The following ESCO1 variants were observed in gnomAD, a reference collection of about 807,000 sequenced individuals.
ESCO1 encodes establishment of sister chromatid cohesion N-acetyltransferase 1, also known as N-acetyltransferase ESCO1.
In ESCO1, 33 loss-of-function variants were observed where a neutral mutation model predicts 83.5. The ratio of observed to expected loss-of-function variants is 0.40; its 90% confidence interval spans 0.30 to 0.53. ESCO1 has a LOEUF of 0.53. Among genes scored for constraint, ESCO1 ranks in the 20% least tolerant of loss-of-function variants. The probability of loss-of-function intolerance (pLI) is 0.63; values close to 1 mark genes in which losing one functional copy is unlikely to be tolerated. For missense variants in ESCO1, 855 were observed against 968.0 expected, an observed-to-expected ratio of 0.88 and a Z score of 1.55; for synonymous variants, 332 against 324.3, an observed-to-expected ratio of 1.02 and a Z score of -0.25.
At chr18:21,572,137 G>A (rs965210131) in intron 4 of ESCO1, among the ~76,000 whole-genome samples, 2 of 152,300 alleles carry the variant, frequency 1.3e-5, no homozygotes, top group East Asian at 1.9e-4. Context: ...TTCAGAGTAT[G>A]TTGTTTTAGA....
At chr18:21,575,803 T>C (rs1598472065) in intron 2 of ESCO1, 26 bp from the exon 3 acceptor site, 3 of 397,764 alleles carry the variant, frequency 7.5e-6, no homozygotes, top group Non-Finnish European at 1.3e-5. Context: ...TTTTTTTTAA[T>C]GTTCAAAAGG....
At chr18:21,585,611 C>CAAAA in intron 1 of ESCO1, among the ~76,000 whole-genome samples, 1 of 151,976 alleles carries the variant, frequency 6.6e-6, no homozygotes, top group South Asian at 2.1e-4. Flanking sequence ...AGTGTGAGCC[C>CAAAA]AAAACTTTGC....
chr18:21,593,597 T>TAGGGAGAGGGAGAGGGAGACGGAG (rs2038715872), intron 1 of ESCO1: 3 of 44,128 alleles, frequency 6.8e-5, no homozygotes, highest in African/African-American at 1.8e-4. Flanking sequence ...AGGGAGACCG[T>TAGGGAGAGGGAGAGGGAGACGGAG]AGGGAGAGGG....
intron 2 of ESCO1, among the ~76,000 whole-genome samples, chr18:21,577,645 G>A (rs1175337908): frequency 6.9e-6 from 1 of 145,822 alleles, no homozygotes; most frequent in Non-Finnish European, 1.5e-5. Context: ...GGCCGACAGA[G>A]CGAGACTCCG....
At chr18:21,579,518 T>A (rs2038463983) in intron 2 of ESCO1, among the ~76,000 whole-genome samples, 1 of 151,244 alleles carries the variant, frequency 6.6e-6, no homozygotes, top group Non-Finnish European at 1.5e-5. Context: ...ACGCCTGTAA[T>A]CCCAGCACTT....
At chr18:21,591,798 T>C (rs1175584038) in intron 1 of ESCO1, among the ~76,000 whole-genome samples, 1 of 152,046 alleles carries the variant, frequency 6.6e-6, no homozygotes, top group Non-Finnish European at 1.5e-5. Context: ...CTGGTTTTCC[T>C]AGGCAGAGGG....
At position 21,574,455 on chromosome 18, in the gene ESCO1, T is replaced by C. The variant is rs748509420; in HGVS notation, c.389A>G (p.Glu130Gly). 6.2e-7 allele frequency: 1 copy of C among 1,614,172 alleles called. No individual in the cohort carries two copies. Among genetic ancestry groups the C allele is most frequent in the Admixed American group, 1.7e-5 (1 of 60,020 alleles). ...RRSQRLQQLT[E>G]VSRRSLRSRE... ...ACTGCGTAACGACCTTCTTGAAACC[T>C]CTGTTAATTGTTGTAGCCTTTGTGA... Residue 130 changes from glutamate to glycine, a missense_variant, in exon 4 of 12, where the codon GAG (glutamate) becomes GGG (glycine). Glu to Gly is a moderately conservative substitution (Grantham distance 98). Transcript: ENST00000269214.
intron 2 of ESCO1, among the ~76,000 whole-genome samples, chr18:21,577,076 C>T (rs986742305): frequency 2.0e-5 from 3 of 151,518 alleles, no homozygotes; most frequent in Non-Finnish European, 2.9e-5. Flanking sequence ...CAGATAGGGC[C>T]GGGCACAATG....
chr18:21,550,837 G>A (rs1392640462), intron 8 of ESCO1, among the ~76,000 whole-genome samples: 1 of 152,228 alleles, frequency 6.6e-6, no homozygotes, highest in Non-Finnish European at 1.5e-5. Context: ...TGTTGGCCGG[G>A]CGTGGTGGCT....
At chr18:21,543,824 T>C (rs972625189) in intron 8 of ESCO1, among the ~76,000 whole-genome samples, 1 of 152,080 alleles carries the variant, frequency 6.6e-6, no homozygotes, top group Non-Finnish European at 1.5e-5. Flanking sequence ...TAACAACCAA[T>C]GTAATATATA....
chr18:21,542,028 A>G (rs2037914312), intron 8 of ESCO1, among the ~76,000 whole-genome samples: 1 of 152,222 alleles, frequency 6.6e-6, no homozygotes, highest in Admixed American at 6.5e-5. Flanking sequence ...TTCATGCCGA[A>G]ATTTTTATCA....
At chr18:21,587,132 A>G (rs768873745) in intron 1 of ESCO1, among the ~76,000 whole-genome samples, 8 of 152,222 alleles carry the variant, frequency 5.3e-5, no homozygotes, top group Non-Finnish European at 7.3e-5. Flanking sequence ...TGCTGGACTC[A>G]GTCTGCAAAT....
intron 1 of ESCO1, among the ~76,000 whole-genome samples, chr18:21,596,427 G>GT (rs2038768216): frequency 6.6e-6 from 1 of 152,082 alleles, no homozygotes; most frequent in Admixed American, 6.6e-5. Flanking sequence ...TGCCATAAAT[G>GT]TTTAAAGTTC....
intron 1 of ESCO1, 55 bp from the exon 2 acceptor site, chr18:21,584,495 C>CTTA (rs1448331078): frequency 3.2e-4 from 48 of 150,654 alleles, no homozygotes; most frequent in African/African-American, 1.2e-3. Flanking sequence ...ATTAAAACAA[C>CTTA]TTAGACAAAC....
chr18:21,596,662 G>A (rs574268038), intron 1 of ESCO1, among the ~76,000 whole-genome samples: 30 of 151,812 alleles, frequency 2.0e-4, no homozygotes, highest in Non-Finnish European at 3.7e-4. Flanking sequence ...GTAAAACCCC[G>A]TCTCCACAAA....
At chr18:21,593,579 GGAAA>G (rs2038714700) in intron 1 of ESCO1, 2 of 122,310 alleles carry the variant, frequency 1.6e-5, no homozygotes, top group Non-Finnish European at 3.3e-5. Context: ...GGGAGACCGT[GGAAA>G]GAGAGGGAGA....
At chr18:21,582,289 G>T (rs2038513763) in intron 2 of ESCO1, among the ~76,000 whole-genome samples, 3 of 151,694 alleles carry the variant, frequency 2.0e-5, no homozygotes, top group African/African-American at 7.3e-5. Context: ...GAGTGCAATG[G>T]TGCAATCTTG....
At chr18:21,581,607 T>A (rs1470595441) in intron 2 of ESCO1, among the ~76,000 whole-genome samples, 1 of 151,708 alleles carries the variant, frequency 6.6e-6, no homozygotes, top group South Asian at 2.1e-4. Flanking sequence ...CAAGACTCCA[T>A]CTCAAAAAAC....
chr18:21,539,870 A>C, intron 9 of ESCO1, 50 bp downstream of exon 9: 1 of 1,512,828 alleles, frequency 6.6e-7, no homozygotes, highest in South Asian at 1.2e-5. Context: ...AAAAAAATTA[A>C]CTGCAAAATG....
Sources: gnomAD v4.1 joint callset for allele counts (sites outside exome capture counted in the v4.1 genomes callset) on GRCh38, gnomAD v4.1.1 for gene constraint, MANE v1.5 for transcripts, NCBI Gene and HGNC (gene_info 2026-07-23, HGNC 2026-07-21) for gene names.